The following FRMD4A variants were observed in gnomAD, a reference collection of about 807,000 sequenced individuals.
FRMD4A encodes FERM domain containing 4A, also known as FERM domain-containing protein 4A.
In FRMD4A, 29 loss-of-function variants were observed where a neutral mutation model predicts 129.1. The ratio of observed to expected loss-of-function variants is 0.22; its 90% CI spans 0.17 to 0.31. FRMD4A has a LOEUF of 0.31. FRMD4A is among the 10% of genes least tolerant of loss of function. The pLI is 1.00. For missense variants in FRMD4A, 1,272 were observed against 1,375.8 expected (o/e 0.92, Z 1.19); for synonymous variants, 634 against 571.6 (o/e 1.11, Z -1.56).
intron 2 of FRMD4A, among the ~76,000 whole-genome samples, chr10:13,937,262 C>CA (rs1403942862): frequency 6.6e-6 from 1 of 152,200 alleles, no homozygotes; most frequent in Non-Finnish European, 1.5e-5. Flanking sequence ...TGAAGGATCT[C>CA]ACTCTCTGAT....
chr10:14,291,637 A>G (rs1416888596), intron 2 of FRMD4A, among the ~76,000 whole-genome samples: 3 of 152,140 alleles, frequency 2.0e-5, no homozygotes, highest in Admixed American at 1.3e-4. Context: ...AGAAATAGAA[A>G]AAAACTTCAT....
At chr10:13,974,728 C>T (rs977205799) in intron 2 of FRMD4A, among the ~76,000 whole-genome samples, 5 of 151,976 alleles carry the variant, frequency 3.3e-5, no homozygotes, top group African/African-American at 4.8e-5. Flanking sequence ...GGTTTCACCA[C>T]GTTGGCCAGG....
At position 13,739,246 on chromosome 10, in the gene FRMD4A, A is replaced by G. The variant is rs147934819; in HGVS notation, c.672+948T>C. Among the ~76,000 whole-genome samples the G allele has an allele frequency of 3.2e-3, 482 of 152,324 alleles. 3 individuals are homozygous for G. The highest frequency in any genetic ancestry group is 0.011 in the African/African-American group (461 of 41,572). Reference sequence around the variant, plus strand: ...TGGGTATATGATTTCTTAAAACTTTAAAGGTGGGATAAAATCCTTGTATTA... The same window carrying G: ...TGGGTATATGATTTCTTAAAACTTTGAAGGTGGGATAAAATCCTTGTATTA... On this transcript the variant is annotated intron_variant, in intron 11 of 24. Coordinates refer to ENST00000357447, the MANE Select transcript of FRMD4A (RefSeq NM_018027.5).
intron 8 of FRMD4A, among the ~76,000 whole-genome samples, chr10:13,749,192 G>T (rs2091444647): frequency 6.6e-6 from 1 of 152,188 alleles, no homozygotes; most frequent in African/African-American, 2.4e-5. Flanking sequence ...CTTAGCCGGG[G>T]TTGCAAAGGC....
chr10:14,297,825 T>A (rs1237625626), intron 2 of FRMD4A, among the ~76,000 whole-genome samples: 3 of 152,134 alleles, frequency 2.0e-5, no homozygotes, highest in African/African-American at 4.8e-5. Flanking sequence ...AGCCTTATGG[T>A]GACTGGAGAC....
chr10:14,049,627 A>G (rs965134381), intron 2 of FRMD4A, among the ~76,000 whole-genome samples: 3 of 152,188 alleles, frequency 2.0e-5, no homozygotes, highest in African/African-American at 7.2e-5. Flanking sequence ...AGATTTGATT[A>G]AAATGAGGAA....
rs143546158 is a variant in FRMD4A at position 13,971,723 on chromosome 10, T to C, written c.46-112811A>G. 3.8e-6 allele frequency: 5 copies of C among 1,304,358 alleles called. No homozygotes were observed. The African/African-American group carries it at 7.6e-5, about 20-fold the overall frequency. The allele number at this position is 1,304,358 out of a possible 1,614,324, so 80.8% of individuals were successfully genotyped here. A position where few individuals can be genotyped will look rare whatever the true frequency, so the allele number is the denominator to read the frequency against. On this transcript the variant is annotated intron_variant, in intron 2 of 24. Transcript: ENST00000357447. ...CTGCAGAACTCGAATGTTCCTCACT[T>C]GGCAGGTCCTCAGCGCCCGACAAGT...
At chr10:13,901,109 C>T (rs1223704477) in intron 2 of FRMD4A, among the ~76,000 whole-genome samples, 1 of 152,170 alleles carries the variant, frequency 6.6e-6, no homozygotes, top group Non-Finnish European at 1.5e-5. Flanking sequence ...GACGAGAAGT[C>T]GGCCACTGCC....
chr10:13,658,380 G>A (rs193042726), intron 21 of FRMD4A, among the ~76,000 whole-genome samples: 11 of 152,190 alleles, frequency 7.2e-5, no homozygotes, highest in Non-Finnish European at 7.3e-5. Context: ...CATTCTGCTC[G>A]TTTGAGTCCA....
At chr10:14,019,837 G>C (rs1285308491) in intron 2 of FRMD4A, among the ~76,000 whole-genome samples, 1 of 152,178 alleles carries the variant, frequency 6.6e-6, no homozygotes, top group African/African-American at 2.4e-5. Context: ...ATTTGAGTCT[G>C]ATACTGGGTT....
At chr10:13,911,804 C>T (rs1230562457) in intron 2 of FRMD4A, among the ~76,000 whole-genome samples, 1 of 152,080 alleles carries the variant, frequency 6.6e-6, no homozygotes, top group African/African-American at 2.4e-5. Flanking sequence ...TCAGGTAATC[C>T]ACCTGCCTCG....
At chr10:13,741,727 A>G (rs2091016444) in intron 9 of FRMD4A, among the ~76,000 whole-genome samples, 1 of 152,218 alleles carries the variant, frequency 6.6e-6, no homozygotes, top group Non-Finnish European at 1.5e-5. Flanking sequence ...GGAGGATGGA[A>G]TGTTCTGGAA....
At chr10:13,826,597 C>T (rs2093704537) in intron 3 of FRMD4A, among the ~76,000 whole-genome samples, 1 of 152,158 alleles carries the variant, frequency 6.6e-6, no homozygotes, top group Admixed American at 6.5e-5. Flanking sequence ...TCCCTAAGTG[C>T]TCTCCCCTGT....
At chr10:13,752,260 C>G (rs138683199) in intron 8 of FRMD4A, among the ~76,000 whole-genome samples, 18 of 152,128 alleles carry the variant, frequency 1.2e-4, no homozygotes, top group African/African-American at 3.9e-4. Flanking sequence ...ATACTCCTCA[C>G]GAAACAAGGA....
chr10:14,260,079 C>G (rs1017763539), intron 2 of FRMD4A, among the ~76,000 whole-genome samples: 4 of 150,736 alleles, frequency 2.7e-5, no homozygotes, highest in Admixed American at 2.6e-4. Flanking sequence ...CTAACCCAGA[C>G]TTAAAGGGAA....
intron 4 of FRMD4A, among the ~76,000 whole-genome samples, chr10:13,807,121 C>G (rs540456275): frequency 1.3e-5 from 2 of 152,286 alleles, no homozygotes; most frequent in Non-Finnish European, 2.9e-5. Flanking sequence ...ATTATTTTAA[C>G]ATTGGATTTA....
At chr10:14,029,369 A>T (rs773979781) in intron 2 of FRMD4A, among the ~76,000 whole-genome samples, 2 of 151,948 alleles carry the variant, frequency 1.3e-5, no homozygotes, top group African/African-American at 2.4e-5. Flanking sequence ...AGTATTATAG[A>T]TTTCTGCAGC....
intron 2 of FRMD4A, among the ~76,000 whole-genome samples, chr10:14,162,641 G>GTTTTTTTTTTTT (rs71388160): frequency 9.5e-4 from 112 of 118,316 alleles, no homozygotes; most frequent in African/African-American, 1.3e-3. Flanking sequence ...TTTTTTTTTT[G>GTTTTTTTTTTTT]TTTTTTTTTT....
intron 5 of FRMD4A, among the ~76,000 whole-genome samples, chr10:13,789,278 T>A (rs2092938261): frequency 6.6e-6 from 1 of 152,122 alleles, no homozygotes; most frequent in Non-Finnish European, 1.5e-5. Context: ...AGCTGCTGTC[T>A]CCATCAGCCA....
Sources: allele counts gnomAD v4.1 joint callset (sites outside exome capture counted in the v4.1 genomes callset), GRCh38; gene constraint gnomAD v4.1.1; transcripts MANE v1.5; gene names NCBI Gene and HGNC (gene_info 2026-07-23, HGNC 2026-07-21).